SERGEF: variants seen among roughly 807,000 people sequenced by gnomAD.
The protein encoded by SERGEF is secretion regulating guanine nucleotide exchange factor.
A neutral mutation model predicts 50.0 loss-of-function variants in SERGEF; 51 were observed. That is an observed-to-expected ratio of 1.02 (90% CI 0.81 to 1.29). The LOEUF (loss-of-function observed/expected upper bound fraction) is 1.29. SERGEF is among the 50% of genes most tolerant of loss of function. The pLI is 0.00. For synonymous variants in SERGEF, 205 were observed against 212.4 expected (o/e 0.97, Z 0.30); for missense variants, 521 against 557.0 (o/e 0.94, Z 0.65).
chr11:17,844,603 C>CCTTG (rs1850567650), intron 10 of SERGEF, among the ~76,000 whole-genome samples: 1 of 152,294 alleles, frequency 6.6e-6, no homozygotes, highest in South Asian at 2.1e-4. Context: ...TTTGCCAAAG[C>CCTTG]CTTGCGTCTT....
intron 10 of SERGEF, among the ~76,000 whole-genome samples, chr11:17,802,824 C>T (rs1384216938): frequency 6.6e-6 from 1 of 152,184 alleles, no homozygotes; most frequent in Admixed American, 6.5e-5. Context: ...CAATTTCATC[C>T]TTTCATTCTC....
intron 10 of SERGEF, among the ~76,000 whole-genome samples, chr11:17,867,623 T>C (rs1337187382): frequency 2.0e-5 from 3 of 152,168 alleles, no homozygotes; most frequent in African/African-American, 7.2e-5. Flanking sequence ...AGTGCCCCAG[T>C]AGGGAGTCTG....
chr11:18,001,939 T>C, intron 4 of SERGEF: 1 of 455,820 alleles, frequency 2.2e-6, no homozygotes, highest in Non-Finnish European at 4.4e-6. Context: ...ACCTGAGTCT[T>C]ATATACCTTT....
intron 9 of SERGEF, among the ~76,000 whole-genome samples, chr11:17,928,611 G>A (rs2133945585): frequency 6.6e-6 from 1 of 152,042 alleles, no homozygotes; most frequent in South Asian, 2.1e-4. Flanking sequence ...GTGAATGAAT[G>A]AACGAACCAA....
chr11:18,006,560 G>A, intron 3 of SERGEF, 31 bp downstream of exon 3: 1 of 1,601,376 alleles, frequency 6.2e-7, no homozygotes, highest in Non-Finnish European at 8.5e-7. Context: ...AGCCTTTGTG[G>A]TGACAAAAAT....
intron 10 of SERGEF, among the ~76,000 whole-genome samples, chr11:17,815,063 T>C (rs1369777563): frequency 1.3e-5 from 2 of 152,146 alleles, no homozygotes; most frequent in Non-Finnish European, 2.9e-5. Context: ...GGCATGAGCC[T>C]GTAGTTCTAG....
intron 10 of SERGEF, among the ~76,000 whole-genome samples, chr11:17,865,210 CAT>C (rs1850999788): frequency 6.6e-6 from 1 of 152,182 alleles, no homozygotes; most frequent in Non-Finnish European, 1.5e-5. Flanking sequence ...ACATTACTCA[CAT>C]GTTTGTGATG....
chr11:17,811,193 G>C (rs1407501941), intron 10 of SERGEF, among the ~76,000 whole-genome samples: 1 of 152,212 alleles, frequency 6.6e-6, no homozygotes, highest in African/African-American at 2.4e-5. Context: ...TCTTGGTAAG[G>C]AAAGAGACTT....
chr11:17,801,084 A>C (rs894735679), intron 10 of SERGEF, among the ~76,000 whole-genome samples: 4 of 151,322 alleles, frequency 2.6e-5, no homozygotes, highest in Admixed American at 2.6e-4. Context: ...AGTCCCAGCT[A>C]CTCGGGAGGC....
At chr11:17,933,933 A>ATC (rs1852401809) in intron 9 of SERGEF, among the ~76,000 whole-genome samples, 1 of 152,146 alleles carries the variant, frequency 6.6e-6, no homozygotes, top group African/African-American at 2.4e-5. Context: ...ATGGCCATGA[A>ATC]CAAGTGGCTC....
At position 18,013,012 on chromosome 11, in the gene SERGEF, C is replaced by G; in HGVS notation, c.-2G>C. 7.2e-7 allele frequency: 1 copy of G among 1,385,894 alleles called. No homozygotes were observed. Among genetic ancestry groups the G allele is most frequent in the Non-Finnish European group, 9.3e-7 (1 of 1,081,030 alleles). The allele number at this position is 1,385,894 out of a possible 1,614,324, so 85.8% of individuals were successfully genotyped here. On this transcript the variant is annotated 5_prime_UTR_variant, in exon 1 of 11. Transcript: ENST00000265965. This position sits in a 1 kb window ranked among gnomAD's most constrained non-coding sequence, Gnocchi z 4.3. ...CGAGGCGCTGGGCTCGCGCTCCATG[C>G]GAGGACGCTCCGCCGGCGCTTCCGG... is the stretch of plus-strand genomic sequence containing the variant.
intron 10 of SERGEF, among the ~76,000 whole-genome samples, chr11:17,872,899 C>T (rs987793827): frequency 1.4e-4 from 21 of 151,720 alleles, no homozygotes; most frequent in Admixed American, 1.1e-3. Context: ...GTATAGTATG[C>T]TACCATTTAT....
At chr11:17,927,262 G>A (rs1852269156) in intron 9 of SERGEF, among the ~76,000 whole-genome samples, 1 of 152,144 alleles carries the variant, frequency 6.6e-6, no homozygotes, top group Non-Finnish European at 1.5e-5. Flanking sequence ...GTGTGGAAGG[G>A]ACTCAAGTCC....
At chr11:17,920,575 T>C (rs547107794) in intron 9 of SERGEF, among the ~76,000 whole-genome samples, 1 of 152,270 alleles carries the variant, frequency 6.6e-6, no homozygotes, top group South Asian at 2.1e-4. Context: ...AATAACACAG[T>C]TGTCAATCAG....
At chr11:17,797,451 A>G (rs892420333) in intron 10 of SERGEF, among the ~76,000 whole-genome samples, 6 of 152,264 alleles carry the variant, frequency 3.9e-5, no homozygotes, top group Admixed American at 3.9e-4. Flanking sequence ...TCATTCCTTC[A>G]TGTTGTTCAG....
chr11:17,847,346 T>C (rs1213595501), intron 10 of SERGEF, among the ~76,000 whole-genome samples: 3 of 151,934 alleles, frequency 2.0e-5, no homozygotes, highest in Non-Finnish European at 4.4e-5. Flanking sequence ...GGTTCCTTTA[T>C]TTGGGGGGAA....
intron 1 of SERGEF, 162 bp downstream of exon 1, chr11:18,012,789 T>G (rs557545725): frequency 1.0e-3 from 698 of 692,506 alleles, no homozygotes; most frequent in Non-Finnish European, 1.4e-3. Flanking sequence ...GCCCGCCCGC[T>G]CCTCCTCCGC....
chr11:17,818,910 A>G (rs1344126334), intron 10 of SERGEF, among the ~76,000 whole-genome samples: 1 of 152,106 alleles, frequency 6.6e-6, no homozygotes, highest in African/African-American at 2.4e-5. Flanking sequence ...CTATACTTGC[A>G]AGGCCCTCTC....
intron 9 of SERGEF, among the ~76,000 whole-genome samples, chr11:17,921,646 G>A (rs185029612): frequency 7.9e-5 from 12 of 152,344 alleles, no homozygotes; most frequent in Middle Eastern, 3.4e-3. Flanking sequence ...AAAGGGCTAT[G>A]AGGGTGCAGA....
Sources: allele counts gnomAD v4.1 joint callset (sites outside exome capture counted in the v4.1 genomes callset), GRCh38; gene constraint gnomAD v4.1.1; non-coding constraint Gnocchi (gnomAD v3.1); transcripts MANE v1.5; gene names NCBI Gene and HGNC (gene_info 2026-07-23, HGNC 2026-07-21).